VSTM4: variants seen among roughly 807,000 people sequenced by gnomAD.
VSTM4 encodes the protein V-set and transmembrane domain-containing protein 4.
In VSTM4, 20 loss-of-function variants were observed where a neutral mutation model predicts 36.4. That is an observed-to-expected ratio of 0.55 (90% CI 0.39 to 0.80). The LOEUF (loss-of-function observed/expected upper bound fraction) is 0.80. Among genes scored for constraint, VSTM4 ranks in the 30% least tolerant of loss-of-function variants. The pLI is 0.00. For missense variants in VSTM4, 392 were observed against 404.5 expected (o/e 0.97, Z 0.26); for synonymous variants, 182 against 173.9 (o/e 1.05, Z -0.37).
At chr10:49,061,987 A>T (rs925155181) in intron 5 of VSTM4, among the ~76,000 whole-genome samples, 2 of 152,156 alleles carry the variant, frequency 1.3e-5, no homozygotes, top group Non-Finnish European at 2.9e-5. Flanking sequence ...TTTAAGATCT[A>T]CCTATAGGAA....
intron 7 of VSTM4, among the ~76,000 whole-genome samples, chr10:49,045,019 T>G (rs1177940168): frequency 4.6e-5 from 7 of 152,352 alleles, no homozygotes; most frequent in South Asian, 2.1e-4. Flanking sequence ...TATGCAGTTA[T>G]GTTTGGGGCT....
intron 5 of VSTM4, among the ~76,000 whole-genome samples, chr10:49,058,802 C>T (rs1590094565): frequency 6.6e-6 from 1 of 152,228 alleles, no homozygotes; most frequent in Non-Finnish European, 1.5e-5. Flanking sequence ...CTTCCCCTCC[C>T]CTGCCTGAGG....
chr10:49,097,377 T>G, intron 2 of VSTM4, among the ~76,000 whole-genome samples: 1 of 151,024 alleles, frequency 6.6e-6, no homozygotes, highest in Non-Finnish European at 1.5e-5. Context: ...AGTCTAGAGG[T>G]GATGGGATGT....
At chr10:49,087,412 T>A (rs574649998) in intron 2 of VSTM4, among the ~76,000 whole-genome samples, 90 of 152,332 alleles carry the variant, frequency 5.9e-4, no homozygotes, top group African/African-American at 2.0e-3. Context: ...GAATGCCTGA[T>A]AACTTTTTTC....
chr10:49,078,078 T>C (rs1010190827), intron 3 of VSTM4, among the ~76,000 whole-genome samples: 1 of 152,004 alleles, frequency 6.6e-6, no homozygotes, highest in Non-Finnish European at 1.5e-5. Flanking sequence ...CTTCTATCGC[T>C]GTTAGAGAAA....
intron 4 of VSTM4, among the ~76,000 whole-genome samples, chr10:49,069,351 G>GT (rs1844032231): frequency 6.6e-6 from 1 of 152,214 alleles, no homozygotes; most frequent in Non-Finnish European, 1.5e-5. Flanking sequence ...TCCATCAAGT[G>GT]TCTGCACTCG....
At chr10:49,039,201 T>A (rs1843480405) in intron 7 of VSTM4, among the ~76,000 whole-genome samples, 1 of 152,022 alleles carries the variant, frequency 6.6e-6, no homozygotes, top group Non-Finnish European at 1.5e-5. Context: ...GAGCAGCAGC[T>A]CTGCGGGAGG....
chr10:49,039,210 G>A (rs1026807289), intron 7 of VSTM4, among the ~76,000 whole-genome samples: 2 of 152,094 alleles, frequency 1.3e-5, no homozygotes, highest in African/African-American at 4.8e-5. Context: ...CTCTGCGGGA[G>A]GATGAGGCAG....
intron 2 of VSTM4, among the ~76,000 whole-genome samples, chr10:49,106,031 C>T (rs947434740): frequency 6.6e-5 from 10 of 152,058 alleles, no homozygotes. Flanking sequence ...AATTAATTTG[C>T]TTAAGGAGAA....
At chr10:49,073,851 A>G (rs569353955) in intron 4 of VSTM4, among the ~76,000 whole-genome samples, 23 of 152,348 alleles carry the variant, frequency 1.5e-4, no homozygotes, top group African/African-American at 5.3e-4. Flanking sequence ...GAGAGCCTGG[A>G]AGCTAAGTCC....
Position 49,028,292 on chromosome 10 carries a change from C to T in VSTM4, c.838-8517G>A, listed in dbSNP as rs970624367. Among the ~76,000 whole-genome samples the T allele has an allele frequency of 2.0e-5, 3 of 152,198 alleles. No homozygotes were observed. In the South Asian group the frequency reaches 6.2e-4, roughly 32 times the overall value. The stretch of plus-strand genomic sequence containing the variant: ...GGTTTAAAATGCAGTGATGAACCTT[C>T]CTGGACTCTGGGCATCACAAAGTGA... On this transcript the variant is annotated intron_variant, in intron 7 of 7. Transcript: ENST00000332853.
chr10:49,078,863 G>A (rs1279906722), intron 3 of VSTM4, among the ~76,000 whole-genome samples: 1 of 152,100 alleles, frequency 6.6e-6, no homozygotes, highest in Non-Finnish European at 1.5e-5. Context: ...TTTCTTTCTT[G>A]CCCTGTGGCC....
chr10:49,047,225 T>C (rs1843626652), intron 6 of VSTM4, among the ~76,000 whole-genome samples, 181 bp from the exon 7 acceptor site: 1 of 152,188 alleles, frequency 6.6e-6, no homozygotes, highest in African/African-American at 2.4e-5. Context: ...CCCTAGTCTT[T>C]GAACGTTTTG....
intron 4 of VSTM4, among the ~76,000 whole-genome samples, chr10:49,067,220 T>C (rs1843989589): frequency 6.6e-6 from 1 of 152,238 alleles, no homozygotes; most frequent in Admixed American, 6.5e-5. Flanking sequence ...GAGTGCATAG[T>C]TTTTGAAATT....
At chr10:49,055,003 C>A (rs187376104) in intron 5 of VSTM4, among the ~76,000 whole-genome samples, 1 of 152,222 alleles carries the variant, frequency 6.6e-6, no homozygotes, top group African/African-American at 2.4e-5. Context: ...TCTGTTCAAT[C>A]TTATTCCTTC....
At chr10:49,106,706 C>G (rs1227099588) in intron 2 of VSTM4, among the ~76,000 whole-genome samples, 1 of 152,212 alleles carries the variant, frequency 6.6e-6, no homozygotes, top group East Asian at 1.9e-4. Context: ...ACCCCCCAGC[C>G]AAAGCCATCA....
At position 49,019,503 on chromosome 10, in the gene VSTM4, T is replaced by G; in HGVS notation, c.*147A>C. The G allele has an allele frequency of 4.9e-6, 6 of 1,233,072 alleles. No homozygotes were observed. Among genetic ancestry groups the G allele is most frequent in the Non-Finnish European group, 6.4e-6 (6 of 931,562 alleles). 76.4% of individuals were successfully genotyped at this position (1,233,072 alleles called of 1,614,324 possible). A position where few individuals can be genotyped will look rare whatever the true frequency, so the allele number is the denominator to read the frequency against. On this transcript the variant is annotated 3_prime_UTR_variant, in exon 8 of 8. Coordinates refer to ENST00000332853, the MANE Select transcript of VSTM4 (RefSeq NM_001031746.5). ...TTGGGGAGAGCAGGCTTGTACCTCT[T>G]CAAAGGCACCCAGAATGCTGCTGAA...
chr10:49,023,127 T>C (rs191650644), intron 7 of VSTM4, among the ~76,000 whole-genome samples: 147 of 152,376 alleles, frequency 9.6e-4, no homozygotes, highest in African/African-American at 3.3e-3. Context: ...TGTAGAATCA[T>C]TTCCCTTATG....
chr10:49,046,847 A>G, intron 7 of VSTM4, 136 bp downstream of exon 7: 1 of 842,250 alleles, frequency 1.2e-6, no homozygotes, highest in Non-Finnish European at 2.0e-6. Flanking sequence ...GCATCTGAGA[A>G]TAGAGAATGT....
Sources: allele counts gnomAD v4.1 joint callset (sites outside exome capture counted in the v4.1 genomes callset), GRCh38; gene constraint gnomAD v4.1.1; transcripts MANE v1.5; gene names NCBI Gene and HGNC (gene_info 2026-07-23, HGNC 2026-07-21).